BRME1: variants seen among roughly 807,000 people sequenced by gnomAD.
The protein encoded by BRME1 is BRCA2 and MEILB2-associating protein 1.
A neutral mutation model predicts 52.6 loss-of-function variants in BRME1; 31 were observed. The ratio of observed to expected loss-of-function variants is 0.59; its 90% CI spans 0.44 to 0.80. The LOEUF (loss-of-function observed/expected upper bound fraction) is 0.80, where lower values mean the gene tolerates loss of function less well. Ranked by LOEUF, BRME1 falls within the 30% of genes least tolerant of loss-of-function variation. The probability of loss-of-function intolerance (pLI) is 0.00; values close to 1 mark genes in which losing one functional copy is unlikely to be tolerated. For synonymous variants in BRME1, 359 were observed against 353.6 expected, an observed-to-expected ratio of 1.02 and a Z score of -0.17; for missense variants, 804 against 860.3, an observed-to-expected ratio of 0.93 and a Z score of 0.82.
chr19:13,900,202 G>A (rs1568390287), intron 2 of BRME1, among the ~76,000 whole-genome samples: 1 of 152,114 alleles, frequency 6.6e-6, no homozygotes, highest in African/African-American at 2.4e-5. Context: ...ACTAATTTAA[G>A]AAAAAATAAG....
At position 13,883,367 on chromosome 19, in the gene BRME1, G is replaced by A; in HGVS notation, c.1797C>T (p.Ser599=). Residue 599 remains serine, a synonymous_variant, in exon 8 of 9, where the codon TCC becomes TCT. Coordinates refer to ENST00000586783, the MANE Select transcript of BRME1 (RefSeq NM_001345843.2). This position sits in a 1 kb window ranked among gnomAD's most constrained non-coding sequence, Gnocchi z 4.2. ...CGACGTTGGTGGCATCCTCCATCCT[G>A]GAGGCCTCAGAGGCCTGGATCCCCA... ...TFVGIQASEA[S]RMEDATNVVR... is the part of the protein sequence containing the mutation. 1 of 1,535,262 alleles carries A rather than the reference G, an allele frequency of 6.5e-7. No individual in the cohort carries two copies. The highest frequency in any genetic ancestry group is 8.7e-7 in the Non-Finnish European group (1 of 1,146,224).
chr19:13,903,997 G>A (rs565683782), intron 2 of BRME1, among the ~76,000 whole-genome samples: 8 of 152,280 alleles, frequency 5.3e-5, no homozygotes, highest in South Asian at 2.1e-4. Flanking sequence ...CCTGAAGCCC[G>A]GGGAGGCCTC....
intron 2 of BRME1, among the ~76,000 whole-genome samples, chr19:13,895,889 C>A (rs1176312082): frequency 1.3e-5 from 2 of 152,218 alleles, no homozygotes; most frequent in Non-Finnish European, 2.9e-5. Context: ...CGTCCTGGCC[C>A]CTTGCATTTC....
chr19:13,900,161 C>G (rs899608520), intron 2 of BRME1, among the ~76,000 whole-genome samples: 2 of 152,218 alleles, frequency 1.3e-5, no homozygotes, highest in Non-Finnish European at 2.9e-5. Context: ...GAAGAGTCTT[C>G]TCTTTCCTTC....
rs1374463285 is a variant in BRME1 at position 13,883,020 on chromosome 19, C to T, written c.1857-68G>A. 13 of 1,557,756 alleles carry T rather than the reference C, an allele frequency of 8.3e-6. No individual in the cohort carries two copies. The East Asian group carries it at 2.7e-4, about 32-fold the overall frequency. On this transcript the variant is annotated intron_variant, in intron 8 of 8. Coordinates refer to ENST00000586783, the MANE Select transcript of BRME1 (RefSeq NM_001345843.2). The surrounding 1 kb of genome is among the most constrained non-coding windows in gnomAD (Gnocchi z 4.2). ...CCAGGTGACAGAGGGGGCCGCGCCT[C>T]ACAGCCACATGGTCACCAATGACTC...
In BRME1 at chr19:13,882,973, T is replaced by C. The variant is rs371640717; in HGVS notation, c.1857-21A>G. The stretch of plus-strand genomic sequence containing the variant: ...GCCGGCTGTGGGGGAAACACAGGCA[T>C]GCGTGTGGGGCTCAGTGGTCACCAG... On this transcript the variant is annotated intron_variant, in intron 8 of 8. Transcript: ENST00000586783. The C allele has an allele frequency of 3.7e-6, 6 of 1,608,838 alleles. No homozygotes were observed. In the African/African-American group the frequency reaches 6.7e-5, roughly 18 times the overall value.
chr19:13,904,926 A>G lies in BRME1; in HGVS notation c.-21-13T>C. The G allele has an allele frequency of 6.3e-7, 1 of 1,599,702 alleles. No homozygotes were observed. The highest frequency in any genetic ancestry group is 8.6e-7 in the Non-Finnish European group (1 of 1,167,384). On this transcript the variant is annotated splice_polypyrimidine_tract_variant and intron_variant, in intron 1 of 8. Coordinates refer to ENST00000586783, the MANE Select transcript of BRME1 (RefSeq NM_001345843.2). ...CCCCTTGAGAAATCTGAAAACAAGC[A>G]AAATCTCTCATCATTATAAGCAGTC... is the stretch of plus-strand genomic sequence containing the variant.
chr19:13,904,761 A>T, intron 2 of BRME1, 101 bp downstream of exon 2: 1 of 1,237,352 alleles, frequency 8.1e-7, no homozygotes, highest in South Asian at 1.2e-5. Flanking sequence ...CCTTTTAAGG[A>T]GGTTAAGGCA....
chr19:13,886,227 A>C (rs2145120363), intron 6 of BRME1, among the ~76,000 whole-genome samples, 172 bp from the exon 7 acceptor site: 1 of 152,346 alleles, frequency 6.6e-6, no homozygotes, highest in Non-Finnish European at 1.5e-5. Flanking sequence ...GAAATCCACG[A>C]TGGGTAGACC....
intron 6 of BRME1, 109 bp downstream of exon 6, chr19:13,889,079 G>A: frequency 1.9e-6 from 2 of 1,044,482 alleles, no homozygotes; most frequent in Non-Finnish European, 2.7e-6. Flanking sequence ...TAAATGGTAA[G>A]CCCTGAGCCC....
At chr19:13,884,486 G>C (rs544869959) in intron 7 of BRME1, among the ~76,000 whole-genome samples, 5 of 152,010 alleles carry the variant, frequency 3.3e-5, no homozygotes, top group African/African-American at 1.2e-4. Flanking sequence ...AAATTAGCCG[G>C]GTGTGGTGGC....
chr19:13,896,835 G>A (rs1288034368), intron 2 of BRME1, among the ~76,000 whole-genome samples: 1 of 151,758 alleles, frequency 6.6e-6, no homozygotes, highest in Non-Finnish European at 1.5e-5. Flanking sequence ...GGGACAAAAG[G>A]TGTGTGCCAC....
chr19:13,889,045 G>A (rs746236842), intron 6 of BRME1, 143 bp downstream of exon 6: 24 of 722,848 alleles, frequency 3.3e-5, no homozygotes, highest in Middle Eastern at 4.0e-4. Flanking sequence ...GCTGCAACTC[G>A]GACTCCTATA....
chr19:13,900,374 G>A (rs34482561), intron 2 of BRME1, among the ~76,000 whole-genome samples: 51,820 of 151,980 alleles, frequency 0.34, 11,977 homozygotes, highest in African/African-American at 0.66. Flanking sequence ...GGAGTCTACC[G>A]CCAACAGAGG....
At chr19:13,889,127 G>A (rs1969253419) in intron 6 of BRME1, 61 bp downstream of exon 6, 2 of 1,440,722 alleles carry the variant, frequency 1.4e-6, no homozygotes, top group Non-Finnish European at 1.9e-6. Context: ...TGAGGAGGGG[G>A]CTTGTGGAGG....
At position 13,889,993 on chromosome 19, in the gene BRME1, G is replaced by C. The variant is rs766910345; in HGVS notation, c.863C>G (p.Pro288Arg). The change falls in exon 6 of 9, where the codon CCT (proline) becomes CGT (arginine). Residue 288 changes from proline to arginine, a missense_variant. By Grantham distance (103) the Pro-to-Arg change is moderately radical (BLOSUM62 -2). Coordinates refer to ENST00000586783, the MANE Select transcript of BRME1 (RefSeq NM_001345843.2). ...CTPASAPTSGPAPGLGPASWC... is the reference protein window; with the variant it reads ...CTPASAPTSGRAPGLGPASWC... ...AGAGGCAGGGCCCAGTCCTGGAGCA[G>C]GGCCTGAGGTAGGAGCTGATGCTGG... 6.2e-7 allele frequency: 1 copy of C among 1,612,894 alleles called. No homozygotes were observed. Among genetic ancestry groups the C allele is most frequent in the Non-Finnish European group, 8.5e-7 (1 of 1,179,996 alleles).
At chr19:13,897,998 C>T (rs1396894406) in intron 2 of BRME1, among the ~76,000 whole-genome samples, 1 of 151,062 alleles carries the variant, frequency 6.6e-6, no homozygotes, top group East Asian at 1.9e-4. Flanking sequence ...ACTTGGGAGG[C>T]TGAGGCAGGA....
At chr19:13,893,516 G>A (rs1373405864) in intron 3 of BRME1, among the ~76,000 whole-genome samples, 1 of 147,820 alleles carries the variant, frequency 6.8e-6, no homozygotes, top group Non-Finnish European at 1.5e-5. Flanking sequence ...GCCTAGGTGA[G>A]AGAACAAGGT....
Position 13,892,889 on chromosome 19 carries a change from T to C in BRME1, c.290A>G (p.Asn97Ser). The change falls in exon 5 of 9, where the codon AAC becomes AGC. Residue 97 changes from asparagine to serine, a missense_variant and splice_region_variant. Coordinates refer to ENST00000586783, the MANE Select transcript of BRME1 (RefSeq NM_001345843.2). ...CTGGGGAACAAACCTCCCGAATGAG[T>C]TCTGTAAACCGGATACAAGAACAAA... Reference protein sequence around the residue: ...KEPAPLPPSQNSFGRFVPQFA... With the variant: ...KEPAPLPPSQSSFGRFVPQFA... The C allele has an allele frequency of 6.2e-7, 1 of 1,612,092 alleles. No individual in the cohort carries two copies. The highest frequency in any genetic ancestry group is 1.3e-5 in the African/African-American group (1 of 74,986).
Sources: gnomAD v4.1 joint callset for allele counts (sites outside exome capture counted in the v4.1 genomes callset) on GRCh38, gnomAD v4.1.1 for gene constraint, Gnocchi (gnomAD v3.1) non-coding constraint, MANE v1.5 for transcripts, NCBI Gene and HGNC (gene_info 2026-07-23, HGNC 2026-07-21) for gene names.